The following CNTNAP2 variants were observed in gnomAD, a reference collection of about 807,000 sequenced individuals.
CNTNAP2 encodes contactin associated protein 2, also known as contactin-associated protein-like 2.
CNTNAP2 carries 98 observed loss-of-function variants against 155.2 expected under a neutral mutation model. The ratio of observed to expected loss-of-function variants is 0.63; its 90% CI spans 0.54 to 0.75. The LOEUF (loss-of-function observed/expected upper bound fraction) is 0.75. Ranked by LOEUF, CNTNAP2 falls within the 30% of genes least tolerant of loss-of-function variation. CNTNAP2 has a pLI of 0.00. For missense variants in CNTNAP2, 1,727 were observed against 1,688.1 expected (o/e 1.02, Z -0.40); for synonymous variants, 651 against 631.2 (o/e 1.03, Z -0.47).
At chr7:146,851,650 C>CTG (rs71165041) in intron 3 of CNTNAP2, among the ~76,000 whole-genome samples, 11,650 of 132,668 alleles carry the variant, frequency 0.088, 547 homozygotes, top group East Asian at 0.2. Flanking sequence ...CATCTTTCTT[C>CTG]TGTGTGTGTG....
chr7:146,351,681 T>C (rs1172263982), intron 1 of CNTNAP2, among the ~76,000 whole-genome samples: 1 of 152,214 alleles, frequency 6.6e-6, no homozygotes, highest in East Asian at 1.9e-4. Context: ...TCAGTTCCTG[T>C]TTATTGTTTT....
intron 12 of CNTNAP2, among the ~76,000 whole-genome samples, chr7:147,575,117 G>A (rs1468724906): frequency 0.029 from 4,186 of 146,230 alleles, 305 homozygotes; most frequent in African/African-American, 0.098. Flanking sequence ...ATGTGTGTGT[G>A]TGTGTGTGTG....
intron 15 of CNTNAP2, among the ~76,000 whole-genome samples, chr7:147,997,677 A>T (rs1209158521): frequency 6.6e-6 from 1 of 152,156 alleles, no homozygotes; most frequent in Non-Finnish European, 1.5e-5. Context: ...GCTCTGAGAG[A>T]GAGAGGAGTC....
intron 13 of CNTNAP2, among the ~76,000 whole-genome samples, chr7:147,749,513 G>A (rs1797099636): frequency 6.6e-6 from 1 of 152,104 alleles, no homozygotes; most frequent in South Asian, 2.1e-4. Flanking sequence ...GGTGTGTGTT[G>A]TAGCATTTCT....
At chr7:146,195,111 A>G (rs895293010) in intron 1 of CNTNAP2, 2 of 152,222 alleles carry the variant, frequency 1.3e-5, no homozygotes, top group African/African-American at 2.4e-5. Context: ...TCTAAAACAG[A>G]TGCTGCAAGT....
At chr7:147,450,211 GA>G (rs1411076170) in intron 10 of CNTNAP2, among the ~76,000 whole-genome samples, 1 of 152,208 alleles carries the variant, frequency 6.6e-6, no homozygotes, top group African/African-American at 2.4e-5. Context: ...ATAGAGATTA[GA>G]AATATGAGAA....
intron 1 of CNTNAP2, among the ~76,000 whole-genome samples, chr7:146,477,905 G>A (rs1413687429): frequency 1.3e-5 from 2 of 152,024 alleles, no homozygotes; most frequent in African/African-American, 4.8e-5. Flanking sequence ...TTAAATTATT[G>A]TATGCATTCT....
chr7:147,577,713 G>A (rs182394229), intron 12 of CNTNAP2, among the ~76,000 whole-genome samples: 2 of 151,612 alleles, frequency 1.3e-5, no homozygotes, highest in Non-Finnish European at 2.9e-5. Flanking sequence ...ATAGGCAAAG[G>A]CTCAGAGGAA....
chr7:147,236,981 T>C (rs1185174303), intron 8 of CNTNAP2, among the ~76,000 whole-genome samples: 1 of 151,636 alleles, frequency 6.6e-6, no homozygotes, highest in Admixed American at 6.6e-5. Flanking sequence ...AAAAACATGA[T>C]GACTTAATCT....
At chr7:147,118,500 C>A (rs536588899) in intron 5 of CNTNAP2, among the ~76,000 whole-genome samples, 1 of 152,114 alleles carries the variant, frequency 6.6e-6, no homozygotes, top group Non-Finnish European at 1.5e-5. Flanking sequence ...ATCAATCTAT[C>A]GATCTAATTA....
At chr7:147,602,757 G>C (rs1261980380) in intron 12 of CNTNAP2, among the ~76,000 whole-genome samples, 1 of 150,834 alleles carries the variant, frequency 6.6e-6, no homozygotes, top group Non-Finnish European at 1.5e-5. Context: ...TTTTGTCTTT[G>C]TGATAGTTTA....
At chr7:147,351,404 A>AGGG (rs1795966491) in intron 9 of CNTNAP2, among the ~76,000 whole-genome samples, 1 of 151,794 alleles carries the variant, frequency 6.6e-6, no homozygotes, top group Non-Finnish European at 1.5e-5. Context: ...AAAAAATAGA[A>AGGG]GGGGAGTAGG....
intron 1 of CNTNAP2, among the ~76,000 whole-genome samples, chr7:146,261,438 A>G (rs1247496498): frequency 6.6e-6 from 1 of 151,702 alleles, no homozygotes; most frequent in Non-Finnish European, 1.5e-5. Flanking sequence ...CCAAATACAC[A>G]TGCAATTATA....
intron 3 of CNTNAP2, among the ~76,000 whole-genome samples, chr7:146,994,827 TACTTC>T (rs1270357603): frequency 6.6e-6 from 1 of 152,070 alleles, no homozygotes; most frequent in Non-Finnish European, 1.5e-5. Flanking sequence ...ACAAATACAT[TACTTC>T]ACAGTTATTT....
intron 1 of CNTNAP2, among the ~76,000 whole-genome samples, chr7:146,578,932 A>G (rs142016356): frequency 0.014 from 2,129 of 152,216 alleles, 34 homozygotes; most frequent in Middle Eastern, 0.051. Context: ...TATTTTCCAG[A>G]TGAAAAAGTC....
chr7:148,373,951 C>T (rs1318771673), intron 21 of CNTNAP2, among the ~76,000 whole-genome samples: 1 of 152,206 alleles, frequency 6.6e-6, no homozygotes, highest in African/African-American at 2.4e-5. Context: ...AAGCATTAGG[C>T]TCTGTTTTCT....
chr7:147,410,258 G>A lies in CNTNAP2; in HGVS notation c.1670+14478G>A, dbSNP rs147940322. ...TTGTGGGAACATGAATGGAGCTGGA[G>A]GCCATTATCCTTAGCAAACTAACAC... On this transcript the variant is annotated intron_variant, in intron 10 of 23. Transcript: ENST00000361727. 8.7e-3 allele frequency among the ~76,000 whole-genome samples: 1,317 copies of A among 152,252 alleles called. 22 individuals are homozygous for A. The highest frequency in any genetic ancestry group is 0.03 in the African/African-American group (1,259 of 41,540).
intron 8 of CNTNAP2, among the ~76,000 whole-genome samples, chr7:147,140,261 C>A (rs1801565590): frequency 6.6e-6 from 1 of 151,966 alleles, no homozygotes; most frequent in Non-Finnish European, 1.5e-5. Flanking sequence ...GAGTGTCTTT[C>A]CGAGATTGAA....
intron 1 of CNTNAP2, among the ~76,000 whole-genome samples, chr7:146,515,704 T>A (rs991487863): frequency 2.0e-5 from 3 of 152,018 alleles, no homozygotes; most frequent in Admixed American, 6.6e-5. Flanking sequence ...CTAAATACCT[T>A]GACCCCAATG....
Sources: allele counts gnomAD v4.1 joint callset (sites outside exome capture counted in the v4.1 genomes callset), GRCh38; gene constraint gnomAD v4.1.1; transcripts MANE v1.5; gene names NCBI Gene and HGNC (gene_info 2026-07-23, HGNC 2026-07-21).